MPP7: variants seen among roughly 807,000 people sequenced by gnomAD.
MPP7 encodes MAGUK p55 scaffold protein 7, also known as MAGUK p55 subfamily member 7.
In MPP7, 60 loss-of-function variants were observed where a neutral mutation model predicts 76.5. That is an observed-to-expected ratio of 0.78 (90% confidence interval 0.64 to 0.97). The LOEUF is 0.97. Ranked by LOEUF, MPP7 falls within the 50% of genes least tolerant of loss-of-function variation. The pLI, the probability that MPP7 is intolerant of heterozygous loss-of-function variation, is 0.00. For missense variants in MPP7, 641 were observed against 694.0 expected, an observed-to-expected ratio of 0.92 and a Z score of 0.86; for synonymous variants, 237 against 244.5, an observed-to-expected ratio of 0.97 and a Z score of 0.29.
chr10:28,147,679 G>C, intron 4 of MPP7, 116 bp from the exon 5 acceptor site: 1 of 861,568 alleles, frequency 1.2e-6, no homozygotes, highest in Non-Finnish European at 1.9e-6. Context: ...TGTTTAAGGA[G>C]AGGTCAGCAT....
intron 2 of MPP7, among the ~76,000 whole-genome samples, chr10:28,208,687 G>A (rs1054788910): frequency 1.3e-5 from 2 of 152,206 alleles, no homozygotes; most frequent in East Asian, 1.9e-4. Flanking sequence ...CTTAACGTCA[G>A]GCCAGCAGCA....
intron 1 of MPP7, among the ~76,000 whole-genome samples, chr10:28,292,063 A>G (rs11006989): frequency 0.12 from 17,928 of 152,132 alleles, 1,702 homozygotes; most frequent in East Asian, 0.48. Flanking sequence ...TATTTTTACT[A>G]TACTTTTTCT....
chr10:28,076,333 A>G (rs1852481759), intron 12 of MPP7, among the ~76,000 whole-genome samples: 1 of 152,192 alleles, frequency 6.6e-6, no homozygotes, highest in African/African-American at 2.4e-5. Flanking sequence ...ATAAGTGCTT[A>G]TTGGTTGTCT....
At position 28,200,657 on chromosome 10, in the gene MPP7, T is replaced by G. The variant is rs144250820; in HGVS notation, c.156+1496A>C. Among the ~76,000 whole-genome samples, 41 of 152,334 alleles carry G rather than the reference T, an allele frequency of 2.7e-4. No homozygotes were observed. In the East Asian group the frequency reaches 7.7e-3, roughly 29 times the overall value. ...CGTGCTACGATAATTAACTTTTTCC[T>G]CAATACTTAATAATGCCTACTTAAA... On this transcript the variant is annotated intron_variant, in intron 3 of 16. Transcript: ENST00000683449.
intron 5 of MPP7, among the ~76,000 whole-genome samples, chr10:28,146,136 T>C (rs960137549): frequency 6.6e-6 from 1 of 152,216 alleles, no homozygotes; most frequent in Admixed American, 6.5e-5. Context: ...TAAGACCAAA[T>C]GAAGAAATCT....
At chr10:28,238,788 A>G (rs1839166792) in intron 1 of MPP7, 53 bp from the exon 2 acceptor site, 1 of 602,418 alleles carries the variant, frequency 1.7e-6, no homozygotes. Flanking sequence ...TCACCAAATC[A>G]CAACATTCTG....
chr10:28,077,432 A>G (rs1339667510), intron 12 of MPP7, among the ~76,000 whole-genome samples: 1 of 152,152 alleles, frequency 6.6e-6, no homozygotes, highest in Non-Finnish European at 1.5e-5. Flanking sequence ...GGGCCTACAA[A>G]CAGCATTTTC....
At chr10:28,060,920 G>A (rs1851758794) in intron 13 of MPP7, among the ~76,000 whole-genome samples, 1 of 152,154 alleles carries the variant, frequency 6.6e-6, no homozygotes, top group South Asian at 2.1e-4. Flanking sequence ...CTAAGCCAAT[G>A]AAGAAAAGGC....
At chr10:28,196,001 T>A (rs761298446) in intron 3 of MPP7, among the ~76,000 whole-genome samples, 2 of 152,164 alleles carry the variant, frequency 1.3e-5, no homozygotes, top group Non-Finnish European at 2.9e-5. Flanking sequence ...CGTTGATGAC[T>A]CCCAAATAAG....
At chr10:28,304,739 C>A (rs923509261), upstream of MPP7, among the ~76,000 whole-genome samples, 2 of 152,168 alleles carry the variant, frequency 1.3e-5, no homozygotes, top group Non-Finnish European at 2.9e-5. Flanking sequence ...GAATACCCTT[C>A]AAAAGTTTCT....
intron 2 of MPP7, among the ~76,000 whole-genome samples, chr10:28,233,348 T>G (rs996071730): frequency 3.3e-5 from 5 of 152,216 alleles, no homozygotes; most frequent in African/African-American, 1.2e-4. Context: ...CGTTTATGTG[T>G]GTTTACGCAT....
At position 28,159,932 on chromosome 10, in the gene MPP7, C is replaced by A. The variant is rs74129011; in HGVS notation, c.157-9873G>T. 6.5e-3 allele frequency among the ~76,000 whole-genome samples: 984 copies of A among 152,260 alleles called. 9 individuals carry two copies. The highest frequency in any genetic ancestry group is 0.022 in the African/African-American group (930 of 41,516). On this transcript the variant is annotated intron_variant, in intron 3 of 16. Coordinates refer to ENST00000683449, the MANE Select transcript of MPP7 (RefSeq NM_001318170.2). ...CATGGTACAACAACAAAAAGCCACA[C>A]ATTAATATCACCACCAATCTCATCA...
At chr10:28,237,816 A>G (rs910583211) in intron 2 of MPP7, among the ~76,000 whole-genome samples, 2 of 152,074 alleles carry the variant, frequency 1.3e-5, no homozygotes, top group African/African-American at 2.4e-5. Context: ...CCCCATTTAC[A>G]TTTTGTTTTA....
intron 3 of MPP7, among the ~76,000 whole-genome samples, chr10:28,190,736 C>T (rs1179793671): frequency 6.6e-6 from 1 of 151,770 alleles, no homozygotes; most frequent in African/African-American, 2.4e-5. Flanking sequence ...ATCTAACTTT[C>T]CAACCTTTGG....
intron 2 of MPP7, among the ~76,000 whole-genome samples, chr10:28,328,351 G>A (rs541305782): frequency 1.2e-4 from 19 of 152,166 alleles, no homozygotes; most frequent in African/African-American, 4.6e-4. Context: ...TTTCAGTAGG[G>A]CAGAATTTTA....
chr10:28,162,661 A>G (rs1836300574), intron 3 of MPP7, among the ~76,000 whole-genome samples: 1 of 152,160 alleles, frequency 6.6e-6, no homozygotes, highest in African/African-American at 2.4e-5. Flanking sequence ...ATGGCTCCCA[A>G]AGATTCTCCT....
chr10:28,304,086 G>A (rs1841227476), upstream of MPP7, among the ~76,000 whole-genome samples: 1 of 152,124 alleles, frequency 6.6e-6, no homozygotes, highest in Non-Finnish European at 1.5e-5. Flanking sequence ...AAAAAATAAT[G>A]TGACAACACT....
intron 5 of MPP7, 116 bp downstream of exon 5, chr10:28,147,367 T>A: frequency 1.3e-6 from 1 of 760,004 alleles, no homozygotes; most frequent in South Asian, 1.5e-5. Flanking sequence ...ATTAAAATAC[T>A]GTGCCCTATT....
At chr10:28,246,731 T>C (rs1413564855) in intron 1 of MPP7, among the ~76,000 whole-genome samples, 1 of 152,020 alleles carries the variant, frequency 6.6e-6, no homozygotes, top group Admixed American at 6.6e-5. Context: ...GAACTCACTA[T>C]CACAAAAAGA....
Sources: allele counts gnomAD v4.1 joint callset (sites outside exome capture counted in the v4.1 genomes callset), GRCh38; gene constraint gnomAD v4.1.1; transcripts MANE v1.5; gene names NCBI Gene and HGNC (gene_info 2026-07-23, HGNC 2026-07-21).